Variants in GRIK2 observed in about 807,000 individuals in gnomAD.
GRIK2 encodes glutamate ionotropic receptor kainate type subunit 2.
In GRIK2, 32 loss-of-function variants were observed where a neutral mutation model predicts 100.3. The ratio of observed to expected loss-of-function variants is 0.32; its 90% CI spans 0.24 to 0.43. GRIK2 has a LOEUF of 0.43. Ranked by LOEUF, GRIK2 falls within the 20% of genes least tolerant of loss-of-function variation. GRIK2 has a pLI of 1.00. For synonymous variants in GRIK2, 417 were observed against 389.4 expected (o/e 1.07, Z -0.83); for missense variants, 843 against 1,114.9 (o/e 0.76, Z 3.47).
intron 12 of GRIK2, among the ~76,000 whole-genome samples, chr6:101,915,229 A>G (rs982012270): frequency 2.4e-4 from 36 of 151,462 alleles, no homozygotes; most frequent in Non-Finnish European, 1.6e-4. Context: ...TGTTATTTAT[A>G]ACTAACAACA....
At chr6:101,748,518 A>T (rs1776587044) in intron 7 of GRIK2, among the ~76,000 whole-genome samples, 1 of 152,084 alleles carries the variant, frequency 6.6e-6, no homozygotes, top group Non-Finnish European at 1.5e-5. Context: ...ATTTATAATT[A>T]CATATGGTTC....
chr6:101,671,515 A>C (rs934825385), intron 4 of GRIK2, among the ~76,000 whole-genome samples: 1 of 152,154 alleles, frequency 6.6e-6, no homozygotes, highest in African/African-American at 2.4e-5. Context: ...GTAACATCAC[A>C]TGTCCTGTAA....
At chr6:101,791,090 TTCTC>T (rs1476990571) in intron 7 of GRIK2, among the ~76,000 whole-genome samples, 1 of 152,180 alleles carries the variant, frequency 6.6e-6, no homozygotes, top group African/African-American at 2.4e-5. Flanking sequence ...TATTTGATTC[TTCTC>T]TCTTTTTTTC....
At chr6:101,510,005 A>C (rs1467936824) in intron 2 of GRIK2, among the ~76,000 whole-genome samples, 1 of 152,160 alleles carries the variant, frequency 6.6e-6, no homozygotes, top group Non-Finnish European at 1.5e-5. Context: ...ATTTCTGTGA[A>C]ATATGCATTT....
intron 2 of GRIK2, among the ~76,000 whole-genome samples, chr6:101,618,778 T>C (rs1453624390): frequency 6.6e-6 from 1 of 151,520 alleles, no homozygotes; most frequent in Non-Finnish European, 1.5e-5. Context: ...CAAAACACAT[T>C]TGTATCTCTT....
intron 4 of GRIK2, among the ~76,000 whole-genome samples, chr6:101,665,956 A>G (rs1769999409): frequency 6.6e-6 from 1 of 152,166 alleles, no homozygotes; most frequent in South Asian, 2.1e-4. Flanking sequence ...TACTGTTTGT[A>G]GTATCTATTA....
At chr6:101,740,020 C>T (rs77333232) in intron 7 of GRIK2, among the ~76,000 whole-genome samples, 69 of 152,244 alleles carry the variant, frequency 4.5e-4, no homozygotes, top group African/African-American at 1.4e-3. Context: ...CCCTGCCCTC[C>T]GCAGAATCAA....
chr6:101,924,757 G>A (rs1221495825), intron 13 of GRIK2, 38 bp downstream of exon 13: 3 of 1,274,478 alleles, frequency 2.4e-6, no homozygotes, highest in African/African-American at 1.5e-5. Context: ...TGGGCACCAT[G>A]TCCCACTCTT....
At chr6:101,561,805 A>T (rs963178422) in intron 2 of GRIK2, among the ~76,000 whole-genome samples, 2 of 152,154 alleles carry the variant, frequency 1.3e-5, no homozygotes, top group Non-Finnish European at 2.9e-5. Flanking sequence ...TTCAAGACAA[A>T]AATATTTTGG....
intron 2 of GRIK2, among the ~76,000 whole-genome samples, chr6:101,608,721 C>G (rs987307066): frequency 6.6e-6 from 1 of 151,442 alleles, no homozygotes; most frequent in African/African-American, 2.4e-5. Context: ...TATAAATATG[C>G]AGTTCACTTC....
chr6:102,045,609 T>C (rs1770844538), intron 15 of GRIK2, among the ~76,000 whole-genome samples: 1 of 151,972 alleles, frequency 6.6e-6, no homozygotes, highest in South Asian at 2.1e-4. Flanking sequence ...AAAAAAAATG[T>C]ACTAAAGACA....
chr6:101,873,069 A>C (rs1435028156), intron 11 of GRIK2, among the ~76,000 whole-genome samples: 1 of 151,950 alleles, frequency 6.6e-6, no homozygotes, highest in African/African-American at 2.4e-5. Context: ...GAGGTAGTTA[A>C]ACACAAGTGA....
intron 7 of GRIK2, among the ~76,000 whole-genome samples, chr6:101,731,188 T>C (rs963743856): frequency 3.3e-5 from 5 of 152,082 alleles, no homozygotes; most frequent in Non-Finnish European, 7.4e-5. Flanking sequence ...TTGTGTCTCT[T>C]TGATCAATGG....
intron 11 of GRIK2, 71 bp downstream of exon 11, chr6:101,859,564 TGAAATAACTACAAAGA>T: frequency 1.2e-6 from 1 of 835,084 alleles, no homozygotes; most frequent in South Asian, 1.4e-5. Flanking sequence ...TTGATGTATA[TGAAATAACTACAAAGA>T]GTAGTGATAT....
intron 2 of GRIK2, among the ~76,000 whole-genome samples, chr6:101,514,695 GTTAAA>G (rs1774495074): frequency 6.6e-6 from 1 of 152,050 alleles, no homozygotes; most frequent in Non-Finnish European, 1.5e-5. Context: ...AGATCATAAT[GTTAAA>G]TTACCCCTTC....
At chr6:101,475,500 T>G (rs1283557341) in intron 2 of GRIK2, among the ~76,000 whole-genome samples, 4 of 152,008 alleles carry the variant, frequency 2.6e-5, no homozygotes, top group Non-Finnish European at 4.4e-5. Flanking sequence ...ATTTAAGAAA[T>G]GTATCAATTA....
At chr6:101,740,536 G>T (rs1408806092) in intron 7 of GRIK2, among the ~76,000 whole-genome samples, 1 of 152,030 alleles carries the variant, frequency 6.6e-6, no homozygotes, top group Non-Finnish European at 1.5e-5. Context: ...CGTAACTTTT[G>T]CTCTTGTTTT....
chr6:101,553,357 C>G (rs1446626625), intron 2 of GRIK2, among the ~76,000 whole-genome samples: 1 of 152,012 alleles, frequency 6.6e-6, no homozygotes, highest in Non-Finnish European at 1.5e-5. Flanking sequence ...GTTTGAGTTC[C>G]TGGAACTGTC....
chr6:102,054,717 G>A (rs901107977), intron 15 of GRIK2, among the ~76,000 whole-genome samples: 3 of 152,128 alleles, frequency 2.0e-5, no homozygotes, highest in African/African-American at 4.8e-5. Flanking sequence ...ACAATACGTG[G>A]CTGTATGCCC....
Sources: gnomAD v4.1 joint callset for allele counts (sites outside exome capture counted in the v4.1 genomes callset) on GRCh38, gnomAD v4.1.1 for gene constraint, MANE v1.5 for transcripts, NCBI Gene and HGNC (gene_info 2026-07-23, HGNC 2026-07-21) for gene names.